The following CLDN19 variants were observed in gnomAD, a reference collection of about 807,000 sequenced individuals.
CLDN19 encodes claudin-19.
Under a neutral mutation model 24.5 loss-of-function variants are expected in CLDN19, and 19 were observed. The observed-to-expected ratio is 0.78, with a 90% CI of 0.54 to 1.14. CLDN19 has a LOEUF of 1.14. CLDN19 is among the 50% of genes most tolerant of loss of function. CLDN19 has a pLI of 0.00. For missense variants in CLDN19, 250 were observed against 295.9 expected (o/e 0.84, Z 1.14); for synonymous variants, 117 against 129.6 (o/e 0.90, Z 0.66).
Position 42,736,018 on chromosome 1 carries a change from G to C in CLDN19, c.486C>G (p.Gly162=). 1.3e-6 allele frequency: 2 copies of C among 1,574,946 alleles called. No homozygotes were observed. Among genetic ancestry groups the C allele is most frequent in the East Asian group, 4.6e-5 (2 of 43,410 alleles). Residue 162 remains glycine (G), a synonymous_variant, in exon 4 of 5, where the codon GGC becomes GGG. Coordinates refer to ENST00000296387, the MANE Select transcript of CLDN19 (RefSeq NM_148960.3). The stretch of plus-strand genomic sequence containing the variant: ...AGGCCCAGCCCACGAACAGGGCTGG[G>C]CCAAATTCATACCTGCAAGGGGTAG... ...STPVNARYEF[G]PALFVGWASA... is the part of the protein sequence containing the mutation.
Position 42,735,045 on chromosome 1 carries a change from CT to C in CLDN19, c.*40del. On this transcript the variant is annotated 3_prime_UTR_variant, in exon 5 of 5. Transcript: ENST00000296387. Reference sequence around the variant, plus strand: ...TCCAAAAAAATATGAAACACACAGTCTAGGTATGGCAGGGGACAGAGCCTGG... The same window carrying C: ...TCCAAAAAAATATGAAACACACAGTCAGGTATGGCAGGGGACAGAGCCTGG... The C allele has an allele frequency of 6.9e-7, 1 of 1,439,816 alleles. No individual in the cohort carries two copies. Among genetic ancestry groups the C allele is most frequent in the Non-Finnish European group, 9.8e-7 (1 of 1,021,744 alleles). 89.2% of individuals were successfully genotyped at this position (1,439,816 alleles called of 1,614,324 possible). A position where few individuals can be genotyped will look rare whatever the true frequency, so the allele number is the denominator to read the frequency against.
At position 42,735,040 on chromosome 1, in the gene CLDN19, A is replaced by C. The variant is rs1313365002; in HGVS notation, c.*46T>G. ...CTCTTTCCAAAAAAATATGAAACACACAGTCTAGGTATGGCAGGGGACAGA... is the reference window on the plus strand; with the variant it reads ...CTCTTTCCAAAAAAATATGAAACACCCAGTCTAGGTATGGCAGGGGACAGA... On this transcript the variant is annotated 3_prime_UTR_variant, in exon 5 of 5. Coordinates refer to ENST00000296387, the MANE Select transcript of CLDN19 (RefSeq NM_148960.3). 5 of 1,422,296 alleles carry C rather than the reference A, an allele frequency of 3.5e-6. No homozygotes were observed. Among genetic ancestry groups the C allele is most frequent in the South Asian group, 1.2e-5 (1 of 86,676 alleles). 88.1% of individuals were successfully genotyped at this position (1,422,296 alleles called of 1,614,324 possible).
intron 2 of CLDN19, 25 bp from the exon 3 acceptor site, chr1:42,738,338 C>T (rs1232693767): frequency 9.3e-6 from 15 of 1,613,422 alleles, no homozygotes; most frequent in Non-Finnish European, 1.2e-5. Context: ...GAGGGGCGCT[C>T]AGCTCTGCTC....
In CLDN19 at chr1:42,738,596, C is replaced by T. The variant is rs763455098; in HGVS notation, c.224-11G>A. ...CTGATTGGATGTGACCTAGGGTGGG[C>T]GGGATGACACTGAGTCGGGCTGGCG... On this transcript the variant is annotated splice_polypyrimidine_tract_variant and intron_variant, in intron 1 of 4. Transcript: ENST00000296387. 10 of 1,609,970 alleles carry T rather than the reference C, an allele frequency of 6.2e-6. No homozygotes were observed. Among genetic ancestry groups the T allele is most frequent in the South Asian group, 4.4e-5 (4 of 90,956 alleles).
intron 3 of CLDN19, among the ~76,000 whole-genome samples, chr1:42,736,939 T>G (rs978990714): frequency 2.6e-5 from 4 of 152,160 alleles, no homozygotes; most frequent in Admixed American, 6.5e-5. Context: ...GAACAAACCT[T>G]GTACCTGAGA....
In CLDN19 at chr1:42,734,926, G is replaced by A. The variant is rs966857083; in HGVS notation, c.*160C>T. 8.9e-6 allele frequency: 6 copies of A among 676,796 alleles called. No homozygotes were observed. The highest frequency in any genetic ancestry group is 2.7e-5 in the East Asian group (1 of 36,784). 41.9% of individuals were successfully genotyped at this position (676,796 alleles called of 1,614,324 possible). On this transcript the variant is annotated 3_prime_UTR_variant, in exon 5 of 5. Coordinates refer to ENST00000296387, the MANE Select transcript of CLDN19 (RefSeq NM_148960.3). ...ATCTTTCTGCCCAAGAGCCCCAGGGGTCAGCACTGACCACTCTGACACAGG... is the reference window on the plus strand; with the variant it reads ...ATCTTTCTGCCCAAGAGCCCCAGGGATCAGCACTGACCACTCTGACACAGG...
intron 3 of CLDN19, among the ~76,000 whole-genome samples, chr1:42,737,118 G>A (rs1436171438): frequency 6.6e-6 from 1 of 152,242 alleles, no homozygotes; most frequent in Non-Finnish European, 1.5e-5. Context: ...AGGCTGAGAA[G>A]TGAGGGAGGA....
chr1:42,740,191 AGAGAAG>A lies in CLDN19; in HGVS notation c.-134_-129del. ...AGCAGCGAGAAGGAGGGTCAGAGGC[AGAGAAG>A]GAGAGGTGGTGCGGCGGCAGCGGCT... On this transcript the variant is annotated 5_prime_UTR_variant, in exon 1 of 5. Coordinates refer to ENST00000296387, the MANE Select transcript of CLDN19 (RefSeq NM_148960.3). 1 of 732,262 alleles carries A rather than the reference AGAGAAG, an allele frequency of 1.4e-6. No individual in the cohort carries two copies. The highest frequency in any genetic ancestry group is 2.4e-6 in the Non-Finnish European group (1 of 415,806). 45.4% of individuals were successfully genotyped at this position (732,262 alleles called of 1,614,324 possible).
intron 3 of CLDN19, among the ~76,000 whole-genome samples, chr1:42,736,234 C>T (rs1176497728): frequency 6.6e-6 from 1 of 151,398 alleles, no homozygotes; most frequent in Non-Finnish European, 1.5e-5. Flanking sequence ...CACAGGGTGA[C>T]CCGGCCTGGG....
At position 42,734,938 on chromosome 1, in the gene CLDN19, C is replaced by T; in HGVS notation, c.*148G>A. On this transcript the variant is annotated 3_prime_UTR_variant, in exon 5 of 5. Coordinates refer to ENST00000296387, the MANE Select transcript of CLDN19 (RefSeq NM_148960.3). ...AAGAGCCCCAGGGGTCAGCACTGAC[C>T]ACTCTGACACAGGCCCCGTCCAAGC... is the stretch of plus-strand genomic sequence containing the variant. The T allele has an allele frequency of 1.4e-6, 1 of 706,646 alleles. No homozygotes were observed. Among genetic ancestry groups the T allele is most frequent in the Non-Finnish European group, 2.5e-6 (1 of 396,066 alleles). 43.8% of individuals were successfully genotyped at this position (706,646 alleles called of 1,614,324 possible).
At chr1:42,735,622 G>A in intron 4 of CLDN19, 1 of 1,428,280 alleles carries the variant, frequency 7.0e-7, no homozygotes, top group Non-Finnish European at 9.1e-7. Context: ...TGCCCACCAG[G>A]CTGTGCAGAC....
Position 42,736,011 on chromosome 1 carries a change from G to A in CLDN19, c.493C>T (p.Leu165=), listed in dbSNP as rs1651359777. ...CCAGCTGAGGCCCAGCCCACGAACA[G>A]GGCTGGGCCAAATTCATACCTGCAA... ...VNARYEFGPA[L]FVGWASAGLA... Residue 165 remains leucine (L), a synonymous_variant, in exon 4 of 5, where the codon CTG becomes TTG. Coordinates refer to ENST00000296387, the MANE Select transcript of CLDN19 (RefSeq NM_148960.3). 4 of 1,575,928 alleles carry A rather than the reference G, an allele frequency of 2.5e-6. No homozygotes were observed. Among genetic ancestry groups the A allele is most frequent in the Non-Finnish European group, 3.4e-6 (4 of 1,162,220 alleles).
Position 42,738,226 on chromosome 1 carries a change from C to A in CLDN19, c.473+3G>T. 1 of 1,612,458 alleles carries A rather than the reference C, an allele frequency of 6.2e-7. No individual in the cohort carries two copies. The highest frequency in any genetic ancestry group is 1.1e-5 in the South Asian group (1 of 91,026). Reference sequence around the variant, plus strand: ...AGCAAAAGACCCAAGCCCTGGCACCCACCTGGCATTGACAGGTGTGCTTGG... The same window carrying A: ...AGCAAAAGACCCAAGCCCTGGCACCAACCTGGCATTGACAGGTGTGCTTGG... On this transcript the variant is annotated splice_donor_region_variant and intron_variant, in intron 3 of 4. Transcript: ENST00000296387.
At position 42,735,116 on chromosome 1, in the gene CLDN19, G is replaced by A. The variant is rs777425105; in HGVS notation, c.645C>T (p.Pro215=). ...AAAREPVVKL[P]ASAKGPLGV is the part of the protein sequence containing the mutation. ...CACCCAGGGGGCCCTTGGCGGAGGC[G>A]GGCAATTTAACAACTGGTCTGAAAG... The change falls in exon 5 of 5, where the codon CCC becomes CCT. Residue 215 remains proline, a synonymous_variant. Coordinates refer to ENST00000296387, the MANE Select transcript of CLDN19 (RefSeq NM_148960.3). 4.8e-5 allele frequency: 78 copies of A among 1,614,010 alleles called. No homozygotes were observed. In the East Asian group the frequency reaches 1.2e-3, roughly 25 times the overall value.
chr1:42,738,113 AAG>A, intron 3 of CLDN19, 114 bp downstream of exon 3: 1 of 962,796 alleles, frequency 1.0e-6, no homozygotes, highest in Non-Finnish European at 1.7e-6. Context: ...CCCCCCTTTA[AAG>A]CTTCTTGGAC....
intron 3 of CLDN19, among the ~76,000 whole-genome samples, chr1:42,737,906 C>T (rs922534181): frequency 1.3e-5 from 2 of 152,100 alleles, no homozygotes; most frequent in African/African-American, 2.4e-5. Flanking sequence ...TGGTCTTGAA[C>T]TCCTGACCTC....
chr1:42,735,390 A>G (rs895328399), intron 4 of CLDN19: 53 of 1,426,944 alleles, frequency 3.7e-5, no homozygotes, highest in Non-Finnish European at 4.7e-5. Context: ...CCTTGTGTGA[A>G]CGTTCAGCAT....
chr1:42,739,749 C>T, intron 1 of CLDN19, 92 bp downstream of exon 1: 1 of 1,062,346 alleles, frequency 9.4e-7, no homozygotes, highest in South Asian at 1.4e-5. Flanking sequence ...AGGTTGGAGC[C>T]CAGCGCAGAT....
Position 42,738,116 on chromosome 1 carries a change from C to G in CLDN19, c.473+113G>C. 9.1e-6 allele frequency: 9 copies of G among 984,882 alleles called. No homozygotes were observed. In the South Asian group the frequency reaches 1.2e-4, roughly 13 times the overall value. The allele number at this position is 984,882 out of a possible 1,614,324, so 61.0% of individuals were successfully genotyped here. ...CTCCTCCTGGCGCCCCCCTTTAAAG[C>G]TTCTTGGACAGCAGCTGGATCCTGT... On this transcript the variant is annotated intron_variant, in intron 3 of 4. Transcript: ENST00000296387.
Sources: allele counts gnomAD v4.1 joint callset (sites outside exome capture counted in the v4.1 genomes callset), GRCh38; gene constraint gnomAD v4.1.1; transcripts MANE v1.5; gene names NCBI Gene and HGNC (gene_info 2026-07-23, HGNC 2026-07-21).